Variants in ATF6 observed in about 807,000 individuals in gnomAD.
ATF6 encodes cyclic AMP-dependent transcription factor ATF-6 alpha.
ATF6 carries 53 observed loss-of-function variants against 83.6 expected under a neutral mutation model. That is an observed-to-expected ratio of 0.63 (90% CI 0.51 to 0.80). The LOEUF (loss-of-function observed/expected upper bound fraction) is 0.80. Ranked by LOEUF, ATF6 falls within the 30% of genes least tolerant of loss-of-function variation. The pLI, the probability that ATF6 is intolerant of heterozygous loss-of-function variation, is 0.00. For missense variants in ATF6, 744 were observed against 797.9 expected, an observed-to-expected ratio of 0.93 and a Z score of 0.81; for synonymous variants, 288 against 285.8, an observed-to-expected ratio of 1.01 and a Z score of -0.08.
At chr1:161,868,627 TTTG>T (rs938860550) in intron 14 of ATF6, among the ~76,000 whole-genome samples, 1 of 151,478 alleles carries the variant, frequency 6.6e-6, no homozygotes, top group African/African-American at 2.4e-5. Flanking sequence ...GTGATGGAAG[TTTG>T]TTGTTTTTCA....
At chr1:161,827,169 G>A in intron 9 of ATF6, among the ~76,000 whole-genome samples, 1 of 152,078 alleles carries the variant, frequency 6.6e-6, no homozygotes, top group East Asian at 1.9e-4. Flanking sequence ...CTGACCTTGT[G>A]ATCTGCCCAC....
intron 15 of ATF6, among the ~76,000 whole-genome samples, chr1:161,946,261 C>A (rs1429763767): frequency 6.6e-6 from 1 of 152,174 alleles, no homozygotes; most frequent in Non-Finnish European, 1.5e-5. Flanking sequence ...TCCCGAAGTG[C>A]TGGGATTGCA....
rs188153608 is a variant in ATF6 at position 161,874,145 on chromosome 1, C to T, written c.1719+10833C>T. Among the ~76,000 whole-genome samples the T allele has an allele frequency of 6.2e-4, 94 of 151,644 alleles. 1 individual carries two copies. The highest frequency in any genetic ancestry group is 1.9e-4 in the Non-Finnish European group (13 of 67,572). On this transcript the variant is annotated intron_variant, in intron 14 of 15. Coordinates refer to ENST00000367942, the MANE Select transcript of ATF6 (RefSeq NM_007348.4). Reference sequence around the variant, plus strand: ...ACCTAGTAAGAATTTCTCTGGGTTTCAAAGTCAGAACACTGATCTTGGTAA... The same window carrying T: ...ACCTAGTAAGAATTTCTCTGGGTTTTAAAGTCAGAACACTGATCTTGGTAA...
intron 14 of ATF6, among the ~76,000 whole-genome samples, chr1:161,880,608 C>T (rs1231716188): frequency 1.3e-5 from 2 of 152,006 alleles, no homozygotes; most frequent in African/African-American, 2.4e-5. Flanking sequence ...ATCAGTAGTT[C>T]GTCTTTACTG....
intron 7 of ATF6, among the ~76,000 whole-genome samples, chr1:161,806,037 T>G (rs1685272242): frequency 6.6e-6 from 1 of 152,200 alleles, no homozygotes; most frequent in Non-Finnish European, 1.5e-5. Context: ...CTTCCTGTCT[T>G]TTGCTGGTAA....
intron 15 of ATF6, among the ~76,000 whole-genome samples, chr1:161,945,819 A>G (rs1688736036): frequency 6.6e-6 from 1 of 152,204 alleles, no homozygotes; most frequent in Admixed American, 6.5e-5. Flanking sequence ...GGCTCAATGA[A>G]TCACAAATAA....
intron 12 of ATF6, among the ~76,000 whole-genome samples, chr1:161,854,499 G>T (rs1686713051): frequency 6.6e-6 from 1 of 152,204 alleles, no homozygotes; most frequent in Non-Finnish European, 1.5e-5. Context: ...ATCTTTCTGT[G>T]TGCTCGAGAA....
chr1:161,786,859 A>G (rs890313707), intron 4 of ATF6, among the ~76,000 whole-genome samples: 4 of 152,230 alleles, frequency 2.6e-5, no homozygotes, highest in African/African-American at 7.2e-5. Context: ...TAGACTATCA[A>G]AAGGACCCAG....
intron 15 of ATF6, among the ~76,000 whole-genome samples, chr1:161,927,011 C>T (rs959415785): frequency 9.9e-5 from 15 of 151,728 alleles, no homozygotes; most frequent in East Asian, 5.8e-4. Flanking sequence ...TTATATTCAG[C>T]GCATAGCACT....
intron 14 of ATF6, among the ~76,000 whole-genome samples, chr1:161,870,289 G>A (rs979189573): frequency 2.6e-5 from 4 of 151,764 alleles, no homozygotes; most frequent in Non-Finnish European, 4.4e-5. Flanking sequence ...TAATGCTGGA[G>A]AATAACTTAA....
chr1:161,920,395 C>T (rs899701451), intron 15 of ATF6, among the ~76,000 whole-genome samples: 5 of 149,384 alleles, frequency 3.3e-5, no homozygotes, highest in South Asian at 2.1e-4. Context: ...CCTGGGTTCA[C>T]GCCATTCTCC....
At chr1:161,953,503 A>C (rs746195226) in intron 15 of ATF6, among the ~76,000 whole-genome samples, 1 of 152,168 alleles carries the variant, frequency 6.6e-6, no homozygotes, top group Non-Finnish European at 1.5e-5. Flanking sequence ...CAGTGTCCAC[A>C]ATACCCTTAT....
intron 14 of ATF6, among the ~76,000 whole-genome samples, chr1:161,898,021 T>G (rs1297268107): frequency 1.3e-5 from 2 of 152,218 alleles, no homozygotes; most frequent in Non-Finnish European, 2.9e-5. Context: ...TGGTATATTT[T>G]GGAGATGTGG....
At chr1:161,766,548 C>A (rs900152545) in intron 1 of ATF6, 106 bp downstream of exon 1, 19 of 992,454 alleles carry the variant, frequency 1.9e-5, no homozygotes, top group Admixed American at 2.4e-5. Context: ...CCAACCCTGC[C>A]TGGGGAGTGA....
chr1:161,776,061 T>G (rs1432830916), intron 1 of ATF6, among the ~76,000 whole-genome samples: 2 of 152,210 alleles, frequency 1.3e-5, no homozygotes, highest in Non-Finnish European at 2.9e-5. Flanking sequence ...CTTAGGATTC[T>G]TTTAGTCTCC....
intron 15 of ATF6, among the ~76,000 whole-genome samples, chr1:161,946,421 G>T (rs1357320066): frequency 6.6e-6 from 1 of 152,212 alleles, no homozygotes; most frequent in African/African-American, 2.4e-5. Context: ...CTATGTTTTT[G>T]CTGTATCAGT....
chr1:161,899,257 A>C (rs1224874076), intron 14 of ATF6, among the ~76,000 whole-genome samples: 2 of 152,204 alleles, frequency 1.3e-5, no homozygotes, highest in African/African-American at 4.8e-5. Context: ...GGATGTCATT[A>C]AGCCTATTCA....
Position 161,903,444 on chromosome 1 carries a change from G to A in ATF6, c.1720-8852G>A, listed in dbSNP as rs546056494. ...TAAAGAGTTTGGATTGGTCATGTGT[G>A]CCTGTCATCCTTTATTTCATTCAGT... is the stretch of plus-strand genomic sequence containing the variant. On this transcript the variant is annotated intron_variant, in intron 14 of 15. Transcript: ENST00000367942. 3.9e-5 allele frequency among the ~76,000 whole-genome samples: 6 copies of A among 152,232 alleles called. No homozygotes were observed. The South Asian group carries it at 8.3e-4, about 21-fold the overall frequency.
Position 161,961,529 on chromosome 1 carries a change from C to G in ATF6, c.*2875C>G, listed in dbSNP as rs1689098290. ...TAGTTTTTATTTTAATGTTTGTATG[C>G]ACAAGGCCCTTTAGGAAATGAGAAG... is the stretch of plus-strand genomic sequence containing the variant. On this transcript the variant is annotated 3_prime_UTR_variant, in exon 16 of 16. Transcript: ENST00000367942. 1 of 150,844 alleles carries G rather than the reference C, an allele frequency of 6.6e-6. No individual in the cohort carries two copies. Among genetic ancestry groups the G allele is most frequent in the Non-Finnish European group, 1.5e-5 (1 of 67,890 alleles). 9.3% of individuals were successfully genotyped at this position (150,844 alleles called of 1,614,324 possible). A position where few individuals can be genotyped will look rare whatever the true frequency, so the allele number is the denominator to read the frequency against.
Sources: gnomAD v4.1 joint callset for allele counts (sites outside exome capture counted in the v4.1 genomes callset) on GRCh38, gnomAD v4.1.1 for gene constraint, MANE v1.5 for transcripts, NCBI Gene and HGNC (gene_info 2026-07-23, HGNC 2026-07-21) for gene names.